CSMD1: variants seen among roughly 807,000 people sequenced by gnomAD.
The protein encoded by CSMD1 is CUB and sushi domain-containing protein 1.
A neutral mutation model predicts 417.5 loss-of-function variants in CSMD1; 213 were observed. That is an observed-to-expected ratio of 0.51 (90% CI 0.46 to 0.57). The LOEUF (loss-of-function observed/expected upper bound fraction) is 0.57. Ranked by LOEUF, CSMD1 falls within the 20% of genes least tolerant of loss-of-function variation. The pLI is 0.00. For synonymous variants in CSMD1, 2,862 were observed against 1,736.8 expected, an observed-to-expected ratio of 1.65 and a Z score of -16.11; for missense variants, 6,923 against 4,529.7, an observed-to-expected ratio of 1.53 and a Z score of -15.17.
At chr8:4,260,166 G>A (rs983764879) in intron 3 of CSMD1, among the ~76,000 whole-genome samples, 10 of 152,092 alleles carry the variant, frequency 6.6e-5, no homozygotes, top group African/African-American at 2.2e-4. Flanking sequence ...CCATCAGGTG[G>A]CATCCTTGCA....
At chr8:3,781,217 A>C (rs1251512656) in intron 5 of CSMD1, among the ~76,000 whole-genome samples, 3 of 152,148 alleles carry the variant, frequency 2.0e-5, no homozygotes, top group Non-Finnish European at 4.4e-5. Flanking sequence ...GCAAAATTTA[A>C]AAAATTGCAC....
At chr8:3,183,231 AACGATACCATCG>A (rs1434403764) in intron 36 of CSMD1, 60 of 131,018 alleles carry the variant, frequency 4.6e-4, no homozygotes, top group Middle Eastern at 4.5e-3. Context: ...AACGTTTCTT[AACGATACCATCG>A]GCATCCATCC....
chr8:3,675,326 C>G lies in CSMD1; in HGVS notation c.1009+33088G>C, dbSNP rs1799317576. 1.3e-5 allele frequency among the ~76,000 whole-genome samples: 2 copies of G among 152,208 alleles called. 1 individual carries two copies. The highest frequency in any genetic ancestry group is 1.3e-4 in the Admixed American group (2 of 15,274). On this transcript the variant is annotated intron_variant, in intron 7 of 69. Transcript: ENST00000635120. Reference sequence around the variant, plus strand: ...ATGCACATCCTCACGTCTCCACTGTCTAACATGTCATTGCTATCCATGTAG... The same window carrying G: ...ATGCACATCCTCACGTCTCCACTGTGTAACATGTCATTGCTATCCATGTAG...
intron 2 of CSMD1, among the ~76,000 whole-genome samples, chr8:4,620,574 C>A (rs907458236): frequency 6.6e-6 from 1 of 151,624 alleles, no homozygotes; most frequent in Non-Finnish European, 1.5e-5. Flanking sequence ...TTTTTAACTG[C>A]AGTAGAATTA....
chr8:4,339,595 A>T (rs1007260064), intron 3 of CSMD1, among the ~76,000 whole-genome samples: 1 of 152,162 alleles, frequency 6.6e-6, no homozygotes, highest in Non-Finnish European at 1.5e-5. Flanking sequence ...CGTGCAAAGA[A>T]CAGGTGGGAA....
At chr8:4,049,000 G>T (rs141898665) in intron 3 of CSMD1, among the ~76,000 whole-genome samples, 1 of 152,098 alleles carries the variant, frequency 6.6e-6, no homozygotes, top group East Asian at 1.9e-4. Flanking sequence ...ATACAAAGAG[G>T]TGATGTTAAT....
chr8:4,595,011 G>C (rs1329384461), intron 2 of CSMD1, among the ~76,000 whole-genome samples: 2 of 152,294 alleles, frequency 1.3e-5, no homozygotes, highest in East Asian at 1.9e-4. Flanking sequence ...TTGGGATCTG[G>C]AATATACTGG....
intron 1 of CSMD1, among the ~76,000 whole-genome samples, chr8:4,717,494 GTATC>G (rs1236173688): frequency 1.3e-5 from 2 of 149,368 alleles, no homozygotes; most frequent in Non-Finnish European, 3.0e-5. Context: ...TTCTATATAT[GTATC>G]TACCTATGAC....
intron 52 of CSMD1, among the ~76,000 whole-genome samples, chr8:3,014,773 T>A (rs1243424296): frequency 6.6e-6 from 1 of 152,060 alleles, no homozygotes; most frequent in Non-Finnish European, 1.5e-5. Context: ...AATAGTTAGC[T>A]GGGCATGCTG....
At chr8:4,153,795 A>G (rs1796690006) in intron 3 of CSMD1, among the ~76,000 whole-genome samples, 1 of 152,210 alleles carries the variant, frequency 6.6e-6, no homozygotes, top group Non-Finnish European at 1.5e-5. Flanking sequence ...CACAGTTTTT[A>G]TGTATTTGTG....
chr8:3,755,437 T>A (rs1797603791), intron 5 of CSMD1, among the ~76,000 whole-genome samples: 1 of 152,200 alleles, frequency 6.6e-6, no homozygotes, highest in African/African-American at 2.4e-5. Flanking sequence ...TAACAAAATC[T>A]ATTTTCAAAA....
chr8:4,978,652 T>C (rs1810701637), intron 1 of CSMD1, among the ~76,000 whole-genome samples: 1 of 152,134 alleles, frequency 6.6e-6, no homozygotes, highest in Non-Finnish European at 1.5e-5. Context: ...TAGAAAAATA[T>C]ATGGGCCAGA....
chr8:4,422,002 A>G (rs1304036674), intron 2 of CSMD1, among the ~76,000 whole-genome samples: 1 of 152,108 alleles, frequency 6.6e-6, no homozygotes, highest in African/African-American at 2.4e-5. Flanking sequence ...TAAAGATAAT[A>G]AAAGTTACTA....
At chr8:3,461,338 G>C (rs1031393004) in intron 12 of CSMD1, among the ~76,000 whole-genome samples, 1 of 152,230 alleles carries the variant, frequency 6.6e-6, no homozygotes, top group Non-Finnish European at 1.5e-5. Flanking sequence ...TGAGGAGCCA[G>C]CTTGGAGAGT....
chr8:4,022,392 G>C (rs995522048), intron 4 of CSMD1, among the ~76,000 whole-genome samples: 1 of 152,004 alleles, frequency 6.6e-6, no homozygotes, highest in Non-Finnish European at 1.5e-5. Context: ...AATTATGGGA[G>C]GACATATTTT....
intron 26 of CSMD1, among the ~76,000 whole-genome samples, chr8:3,252,779 G>C (rs905360209): frequency 6.6e-6 from 1 of 152,088 alleles, no homozygotes; most frequent in African/African-American, 2.4e-5. Context: ...CTTCTTCCTC[G>C]TTTAGTCTTG....
rs572375118 is a variant in CSMD1 at position 3,980,813 on chromosome 8, C to G, written c.818+17090G>C. On this transcript the variant is annotated intron_variant, in intron 5 of 69. Transcript: ENST00000635120. ...TGGGGATACATACCCCTTGGCCAAC[C>G]ACTAATGTCCCCACTCCCAGCAGTT... 2.4e-3 allele frequency among the ~76,000 whole-genome samples: 362 copies of G among 152,230 alleles called. 2 individuals are homozygous for G. Among genetic ancestry groups the G allele is most frequent in the African/African-American group, 8.5e-3 (352 of 41,508 alleles).
chr8:3,902,609 G>C (rs111938633), intron 5 of CSMD1, among the ~76,000 whole-genome samples: 6 of 152,012 alleles, frequency 3.9e-5, no homozygotes, highest in African/African-American at 1.4e-4. Context: ...ATCTAATGTC[G>C]CCGCCGATCT....
chr8:4,625,105 C>T (rs1017715495), intron 2 of CSMD1, among the ~76,000 whole-genome samples: 3 of 151,988 alleles, frequency 2.0e-5, no homozygotes, highest in African/African-American at 7.3e-5. Flanking sequence ...AACTAGGGTG[C>T]CACAGATGAC....
Sources: allele counts gnomAD v4.1 joint callset (sites outside exome capture counted in the v4.1 genomes callset), GRCh38; gene constraint gnomAD v4.1.1; transcripts MANE v1.5; gene names NCBI Gene and HGNC (gene_info 2026-07-23, HGNC 2026-07-21).